VPS13C: variants seen among roughly 807,000 people sequenced by gnomAD.
The protein encoded by VPS13C is vacuolar protein sorting 13 homolog C, also known as intermembrane lipid transfer protein VPS13C.
Under a neutral mutation model 456.8 loss-of-function variants are expected in VPS13C, and 358 were observed. That is an observed-to-expected ratio of 0.78 (90% CI 0.72 to 0.86). The LOEUF (loss-of-function observed/expected upper bound fraction) is 0.86, where lower values mean the gene tolerates loss of function less well. VPS13C is among the 40% of genes least tolerant of loss of function. The pLI, the probability that VPS13C is intolerant of heterozygous loss-of-function variation, is 0.00. For synonymous variants in VPS13C, 1,578 were observed against 1,486.7 expected, an observed-to-expected ratio of 1.06 and a Z score of -1.41; for missense variants, 4,818 against 4,385.4, an observed-to-expected ratio of 1.10 and a Z score of -2.79.
chr15:61,890,053 A>G, intron 67 of VPS13C, 112 bp downstream of exon 67: 1 of 927,974 alleles, frequency 1.1e-6, no homozygotes, highest in Non-Finnish European at 1.6e-6. Flanking sequence ...TACTGAATAA[A>G]TATACAGCAT....
intron 15 of VPS13C, among the ~76,000 whole-genome samples, chr15:62,004,917 T>C (rs1208917928): frequency 6.6e-6 from 1 of 152,204 alleles, no homozygotes; most frequent in African/African-American, 2.4e-5. Context: ...CTTTTACATT[T>C]GCTGAGGAGA....
chr15:61,949,691 A>G (rs529975466), intron 41 of VPS13C, 86 bp from the exon 42 acceptor site: 7 of 1,338,888 alleles, frequency 5.2e-6, no homozygotes, highest in Admixed American at 5.3e-5. Context: ...TAGCACAAGA[A>G]CAGTTCAATT....
At chr15:62,046,903 T>C (rs2048422462) in intron 1 of VPS13C, among the ~76,000 whole-genome samples, 1 of 152,164 alleles carries the variant, frequency 6.6e-6, no homozygotes, top group African/African-American at 2.4e-5. Context: ...ATTGTACTTA[T>C]TATTGCTGGG....
chr15:62,057,016 G>A (rs981528587), intron 1 of VPS13C, among the ~76,000 whole-genome samples: 6 of 152,002 alleles, frequency 3.9e-5, no homozygotes, highest in African/African-American at 1.2e-4. Flanking sequence ...ACCGGTCTCC[G>A]CGCATTGGTG....
chr15:61,922,899 C>A, intron 53 of VPS13C, 137 bp from the exon 54 acceptor site: 1 of 736,590 alleles, frequency 1.4e-6, no homozygotes, highest in Non-Finnish European at 1.9e-6. Context: ...ATTAAAGTAA[C>A]TAATTTAAAT....
rs1894640853 is a variant in VPS13C at position 61,867,001 on chromosome 15, C to T, written c.10863+1658G>A. The T allele has an allele frequency of 2.1e-6, 2 of 953,278 alleles. No homozygotes were observed. Among genetic ancestry groups the T allele is most frequent in the Admixed American group, 1.2e-4 (2 of 16,204 alleles). The allele number at this position is 953,278 out of a possible 1,614,324, so 59.1% of individuals were successfully genotyped here. ...TTATTACAAAAAAAAGAAATTGAAACATAACTTATGTTGAGAATTAAGAGG... is the reference window on the plus strand; with the variant it reads ...TTATTACAAAAAAAAGAAATTGAAATATAACTTATGTTGAGAATTAAGAGG... On this transcript the variant is annotated intron_variant, in intron 81 of 84. Coordinates refer to ENST00000644861, the MANE Select transcript of VPS13C (RefSeq NM_020821.3). This position sits in a 1 kb window ranked among gnomAD's most constrained non-coding sequence, Gnocchi z 5.0.
chr15:62,028,485 T>G (rs896891074), intron 5 of VPS13C, 65 bp from the exon 6 acceptor site: 1 of 1,458,896 alleles, frequency 6.9e-7, no homozygotes, highest in Non-Finnish European at 9.6e-7. Context: ...TAATTTCACA[T>G]GTAAAATATA....
intron 57 of VPS13C, 61 bp downstream of exon 57, chr15:61,920,006 C>A: frequency 7.3e-7 from 1 of 1,374,088 alleles, no homozygotes; most frequent in South Asian, 2.2e-5. Context: ...CACATTTTAT[C>A]AAAAATAAGC....
chr15:61,863,490 G>A lies in VPS13C; in HGVS notation c.10902C>T (p.Tyr3634=). Residue 3634 remains tyrosine, a synonymous_variant, in exon 82 of 85, where the codon TAC becomes TAT. Coordinates refer to ENST00000644861, the MANE Select transcript of VPS13C (RefSeq NM_020821.3). ...IKKLEGETYR[Y]HCAIPGSKKT... is the part of the protein sequence containing the mutation. Reference sequence around the variant, plus strand: ...TCTTGCTTCCAGGAATAGCACAGTGGTATCGGTAAGTCTCTCCTTCCAACT... The same window carrying A: ...TCTTGCTTCCAGGAATAGCACAGTGATATCGGTAAGTCTCTCCTTCCAACT... 14 of 1,612,844 alleles carry A rather than the reference G, an allele frequency of 8.7e-6. No individual in the cohort carries two copies. Among genetic ancestry groups the A allele is most frequent in the African/African-American group, 1.3e-5 (1 of 74,962 alleles).
At chr15:62,001,439 A>G (rs1034635952) in intron 15 of VPS13C, among the ~76,000 whole-genome samples, 3 of 152,352 alleles carry the variant, frequency 2.0e-5, no homozygotes, top group Non-Finnish European at 4.4e-5. Flanking sequence ...AACTGAAATC[A>G]TAAGACATTA....
At chr15:61,869,657 A>G (rs1894866784) in intron 79 of VPS13C, 34 bp from the exon 80 acceptor site, 3 of 1,612,052 alleles carry the variant, frequency 1.9e-6, no homozygotes, top group African/African-American at 1.3e-5. Flanking sequence ...ATGGATAAAG[A>G]TATTTTTAAA....
intron 39 of VPS13C, among the ~76,000 whole-genome samples, chr15:61,951,230 G>C (rs2044781019): frequency 6.6e-6 from 1 of 151,660 alleles, no homozygotes. Context: ...AAAAATACTA[G>C]TACCCACCAA....
Position 61,967,407 on chromosome 15 carries a change from G to A in VPS13C, c.2952C>T (p.Asp984=). Residue 984 remains aspartate (D), a synonymous_variant, in exon 29 of 85, where the codon GAC becomes GAT. Coordinates refer to ENST00000644861, the MANE Select transcript of VPS13C (RefSeq NM_020821.3). ...RKPLHLISSS[D]KPGLDLLKVE... is the part of the protein sequence containing the mutation. ...CTTTCAAAAGATCTAATCCAGGTTT[G>A]TCAGAAGAGCTAATCAAGTGAAGGG... 6.2e-7 allele frequency: 1 copy of A among 1,605,784 alleles called. No individual in the cohort carries two copies.
At chr15:62,008,135 G>C (rs921155866) in intron 14 of VPS13C, among the ~76,000 whole-genome samples, 6 of 152,260 alleles carry the variant, frequency 3.9e-5, no homozygotes, top group Non-Finnish European at 8.8e-5. Context: ...GGGAGGCTGA[G>C]GCAGGGAGTT....
At chr15:61,888,910 G>C (rs1896465554) in intron 67 of VPS13C, among the ~76,000 whole-genome samples, 1 of 152,052 alleles carries the variant, frequency 6.6e-6, no homozygotes, top group Non-Finnish European at 1.5e-5. Flanking sequence ...CTCATCAATA[G>C]TAACAAATGT....
chr15:61,995,835 C>G (rs1275681659), intron 16 of VPS13C, among the ~76,000 whole-genome samples: 2 of 152,210 alleles, frequency 1.3e-5, no homozygotes, highest in Non-Finnish European at 2.9e-5. Flanking sequence ...AGACTCCAGA[C>G]CCAGAGAAAC....
Position 62,020,541 on chromosome 15 carries a change from A to T in VPS13C, c.625-3T>A, listed in dbSNP as rs1265088391. On this transcript the variant is annotated splice_region_variant and splice_polypyrimidine_tract_variant and intron_variant, in intron 8 of 84. Transcript: ENST00000644861. ...AGAGGCCGCTTTGGATCAGTGACCT[A>T]CCAAAGAAGAAAAGATAACAGTAAA... 2 of 1,611,118 alleles carry T rather than the reference A, an allele frequency of 1.2e-6. No individual in the cohort carries two copies. The highest frequency in any genetic ancestry group is 2.7e-5 in the African/African-American group (2 of 74,858).
chr15:62,036,781 A>G (rs974908344), intron 3 of VPS13C, among the ~76,000 whole-genome samples: 3 of 151,948 alleles, frequency 2.0e-5, no homozygotes, highest in Non-Finnish European at 4.4e-5. Context: ...AGGTCCTAGA[A>G]TTGAGTTTTT....
chr15:62,056,709 G>A (rs1328606023), intron 1 of VPS13C, among the ~76,000 whole-genome samples: 2 of 152,124 alleles, frequency 1.3e-5, no homozygotes, highest in East Asian at 1.9e-4. Flanking sequence ...CAGTGGTCAC[G>A]CTCCTAGTCC....
Sources: gnomAD v4.1 joint callset for allele counts (sites outside exome capture counted in the v4.1 genomes callset) on GRCh38, gnomAD v4.1.1 for gene constraint, Gnocchi (gnomAD v3.1) non-coding constraint, MANE v1.5 for transcripts, NCBI Gene and HGNC (gene_info 2026-07-23, HGNC 2026-07-21) for gene names.